Variants in PITPNM2 observed in about 807,000 individuals in gnomAD.
PITPNM2 encodes the protein phosphatidylinositol transfer protein membrane associated 2.
PITPNM2 carries 35 observed loss-of-function variants against 132.2 expected under a neutral mutation model. That is an observed-to-expected ratio of 0.26 (90% confidence interval 0.20 to 0.35). The LOEUF (loss-of-function observed/expected upper bound fraction) is 0.35, where lower values mean the gene tolerates loss of function less well. Among genes scored for constraint, PITPNM2 ranks in the 10% least tolerant of loss-of-function variants. The probability of loss-of-function intolerance (pLI) is 1.00; values close to 1 mark genes in which losing one functional copy is unlikely to be tolerated. For missense variants in PITPNM2, 1,332 were observed against 1,912.0 expected, an observed-to-expected ratio of 0.70 and a Z score of 5.66; for synonymous variants, 738 against 799.2, an observed-to-expected ratio of 0.92 and a Z score of 1.29.
rs1025691626 is a variant in PITPNM2, at chr12:122,992,868, C to G, written c.2234-199G>C. On this transcript the variant is annotated intron_variant, in intron 15 of 25. Transcript: ENST00000320201. This position sits in a 1 kb window ranked among gnomAD's most constrained non-coding sequence, Gnocchi z 6.5. ...TGAGACAGGGTCTTGCTCTGTCACC[C>G]AGGCTGGAGGGCAGTGGTGCGATCT... 3.3e-5 allele frequency among the ~76,000 whole-genome samples: 5 copies of G among 152,198 alleles called. No homozygotes were observed. Among genetic ancestry groups the G allele is most frequent in the Non-Finnish European group, 5.9e-5 (4 of 68,036 alleles).
At position 123,022,852 on chromosome 12, in the gene PITPNM2, C is replaced by T. The variant is rs562997024; in HGVS notation, c.79-8810G>A. ...AGGTCTGTTCCTGAAGGAGGGGCAC[C>T]GGCCAGATGCCACATCTACACTCAG... On this transcript the variant is annotated intron_variant, in intron 3 of 25. Coordinates refer to ENST00000320201, the MANE Select transcript of PITPNM2 (RefSeq NM_020845.3). This position sits in a 1 kb window ranked among gnomAD's most constrained non-coding sequence, Gnocchi z 4.9. 3.5e-3 allele frequency among the ~76,000 whole-genome samples: 527 copies of T among 152,300 alleles called. 1 individual carries two copies. Among genetic ancestry groups the T allele is most frequent in the Non-Finnish European group, 5.2e-3 (354 of 68,026 alleles).
Position 122,986,004 on chromosome 12 carries a change from C to T in PITPNM2, c.*23G>A. 3 of 1,382,418 alleles carry T rather than the reference C, an allele frequency of 2.2e-6. No homozygotes were observed. Among genetic ancestry groups the T allele is most frequent in the Non-Finnish European group, 9.3e-7 (1 of 1,077,292 alleles). The allele number at this position is 1,382,418 out of a possible 1,614,324, so 85.6% of individuals were successfully genotyped here. On this transcript the variant is annotated 3_prime_UTR_variant, in exon 26 of 26. Coordinates refer to ENST00000320201, the MANE Select transcript of PITPNM2 (RefSeq NM_020845.3). ...CCACCCTGGCCTAGCACCATGGAGACCCCGCGCTGCACTCACGGTGCCCTA... is the reference window on the plus strand; with the variant it reads ...CCACCCTGGCCTAGCACCATGGAGATCCCGCGCTGCACTCACGGTGCCCTA...
rs1163976968 is a variant in PITPNM2 at position 123,083,458 on chromosome 12, C to T, written c.-96+26927G>A. Reference sequence around the variant, plus strand: ...CTGTAGACTAACTCCTGGTCCCACCCTACGGCTTTGGAACTGAAGCCACAG... The same window carrying T: ...CTGTAGACTAACTCCTGGTCCCACCTTACGGCTTTGGAACTGAAGCCACAG... On this transcript the variant is annotated intron_variant, in intron 2 of 25. Coordinates refer to ENST00000320201, the MANE Select transcript of PITPNM2 (RefSeq NM_020845.3). The surrounding 1 kb of genome is among the most constrained non-coding windows in gnomAD (Gnocchi z 4.5). 1 of 152,274 alleles carries T rather than the reference C, an allele frequency of 6.6e-6. No homozygotes were observed. Among genetic ancestry groups the T allele is most frequent in the Non-Finnish European group, 1.5e-5 (1 of 68,082 alleles). 9.4% of individuals were successfully genotyped at this position (152,274 alleles called of 1,614,324 possible). A position where few individuals can be genotyped will look rare whatever the true frequency, so the allele number is the denominator to read the frequency against.
At chr12:123,104,615 G>A (rs964754496) in intron 2 of PITPNM2, among the ~76,000 whole-genome samples, 5 of 151,324 alleles carry the variant, frequency 3.3e-5, no homozygotes, top group South Asian at 2.1e-4. Context: ...ACTCCTGCCC[G>A]CCAGAGAACA....
At chr12:123,003,602 A>C (rs2038790696) in intron 8 of PITPNM2, among the ~76,000 whole-genome samples, 1 of 152,200 alleles carries the variant, frequency 6.6e-6, no homozygotes, top group Non-Finnish European at 1.5e-5. Flanking sequence ...TGGCCAGTTA[A>C]CCAAAATGCC....
At chr12:123,033,004 G>A (rs1314549826) in intron 3 of PITPNM2, among the ~76,000 whole-genome samples, 1 of 152,226 alleles carries the variant, frequency 6.6e-6, no homozygotes, top group African/African-American at 2.4e-5. Flanking sequence ...AGGCTCTGCT[G>A]CGAGCTCACA....
At chr12:122,997,120 G>T (rs1239588693) in intron 11 of PITPNM2, among the ~76,000 whole-genome samples, 1 of 152,180 alleles carries the variant, frequency 6.6e-6, no homozygotes, top group Admixed American at 6.5e-5. Context: ...GTTTGGAAAC[G>T]AAGGCTCAGC....
intron 1 of PITPNM2, among the ~76,000 whole-genome samples, chr12:123,115,318 C>T (rs1188051887): frequency 3.9e-5 from 6 of 152,142 alleles, no homozygotes; most frequent in Non-Finnish European, 7.3e-5. Context: ...CAGGGAAACC[C>T]TCAGAGACGT....
intron 1 of PITPNM2, among the ~76,000 whole-genome samples, chr12:123,110,933 T>C (rs1401664602): frequency 1.3e-5 from 2 of 152,178 alleles, no homozygotes; most frequent in Admixed American, 1.3e-4. Flanking sequence ...GAGGATGGCG[T>C]CCTGATGCCG....
Position 123,004,642 on chromosome 12 carries a change from T to G in PITPNM2, c.953-153A>C, listed in dbSNP as rs2038845776. On this transcript the variant is annotated intron_variant, in intron 7 of 25. Coordinates refer to ENST00000320201, the MANE Select transcript of PITPNM2 (RefSeq NM_020845.3). The surrounding 1 kb of genome is among the most constrained non-coding windows in gnomAD (Gnocchi z 4.9). ...CAGGAAGGTTCCGAAGAGAATGAAG[T>G]GTGTAAATGAGTGGGGAGCGGCCTA... 1.4e-6 allele frequency: 1 copy of G among 696,938 alleles called. No individual in the cohort carries two copies. Among genetic ancestry groups the G allele is most frequent in the African/African-American group, 1.8e-5 (1 of 56,896 alleles). The allele number at this position is 696,938 out of a possible 1,614,324, so 43.2% of individuals were successfully genotyped here.
intron 2 of PITPNM2, among the ~76,000 whole-genome samples, chr12:123,049,550 C>T (rs533852925): frequency 6.6e-6 from 1 of 152,336 alleles, no homozygotes; most frequent in South Asian, 2.1e-4. Flanking sequence ...CAGGGAACAG[C>T]TGCTCCCTCA....
chr12:123,050,255 G>A, intron 2 of PITPNM2, among the ~76,000 whole-genome samples: 1 of 152,190 alleles, frequency 6.6e-6, no homozygotes, highest in Non-Finnish European at 1.5e-5. Context: ...ATGCCAGGCA[G>A]CCCAAATGCC....
At chr12:123,034,313 A>C in intron 3 of PITPNM2, 200 bp downstream of exon 3, 1 of 542,436 alleles carries the variant, frequency 1.8e-6, no homozygotes, top group Admixed American at 3.1e-5. Context: ...AAGCAATCTG[A>C]TGCCGTGCGC....
chr12:123,028,301 G>A (rs987154693), intron 3 of PITPNM2, among the ~76,000 whole-genome samples: 2 of 152,212 alleles, frequency 1.3e-5, no homozygotes, highest in East Asian at 1.9e-4. Context: ...GTACTTTGAC[G>A]CGCGAGCCCA....
intron 3 of PITPNM2, among the ~76,000 whole-genome samples, chr12:123,028,857 A>AG (rs1193569398): frequency 6.6e-6 from 1 of 152,126 alleles, no homozygotes; most frequent in Non-Finnish European, 1.5e-5. Context: ...TGCCTGGAAG[A>AG]GGGGCATTCA....
At chr12:123,024,296 G>A (rs2039776393) in intron 3 of PITPNM2, among the ~76,000 whole-genome samples, 1 of 152,184 alleles carries the variant, frequency 6.6e-6, no homozygotes. Flanking sequence ...AGGGTGTGGA[G>A]CAATGGAACC....
At chr12:123,002,045 A>G (rs2038710641) in intron 8 of PITPNM2, among the ~76,000 whole-genome samples, 5 of 151,440 alleles carry the variant, frequency 3.3e-5, no homozygotes, top group African/African-American at 7.3e-5. Context: ...AAAAAAAAAA[A>G]GCTACATTTA....
rs1335342512 is a variant in PITPNM2, at chr12:123,097,433, A to C, written c.-96+12952T>G. Among the ~76,000 whole-genome samples the C allele has an allele frequency of 6.6e-6, 1 of 151,644 alleles. No homozygotes were observed. The highest frequency in any genetic ancestry group is 2.4e-5 in the African/African-American group (1 of 41,204). On this transcript the variant is annotated intron_variant, in intron 2 of 25. Coordinates refer to ENST00000320201, the MANE Select transcript of PITPNM2 (RefSeq NM_020845.3). This position sits in a 1 kb window ranked among gnomAD's most constrained non-coding sequence, Gnocchi z 4.7. ...TCTGCACAGTCCTCAAGAGGCCAGC[A>C]CCTCCTTTCCTCTCCTTGGCAGACC...
rs1481473934 is a variant in PITPNM2, at chr12:123,022,479, AAG to A, written c.79-8439_79-8438del. Among the ~76,000 whole-genome samples, 1 of 152,118 alleles carries A rather than the reference AAG, an allele frequency of 6.6e-6. No homozygotes were observed. Among genetic ancestry groups the A allele is most frequent in the Non-Finnish European group, 1.5e-5 (1 of 68,016 alleles). Reference sequence around the variant, plus strand: ...GCAGGGAGAGAGGGCTTCCTGGAAAAAGAGGCTACCAAGGGAGGCAAAGAGCA... The same window carrying A: ...GCAGGGAGAGAGGGCTTCCTGGAAAAAGGCTACCAAGGGAGGCAAAGAGCA... On this transcript the variant is annotated intron_variant, in intron 3 of 25. Transcript: ENST00000320201. The surrounding 1 kb of genome is among the most constrained non-coding windows in gnomAD (Gnocchi z 4.9).
Sources: gnomAD v4.1 joint callset for allele counts (sites outside exome capture counted in the v4.1 genomes callset) on GRCh38, gnomAD v4.1.1 for gene constraint, Gnocchi (gnomAD v3.1) non-coding constraint, MANE v1.5 for transcripts, NCBI Gene and HGNC (gene_info 2026-07-23, HGNC 2026-07-21) for gene names.